The following KIF13B variants were observed in gnomAD, a reference collection of about 807,000 sequenced individuals.
KIF13B encodes the protein kinesin family member 13B.
KIF13B carries 127 observed loss-of-function variants against 222.0 expected under a neutral mutation model. The observed-to-expected ratio is 0.57, with a 90% confidence interval of 0.50 to 0.66. KIF13B has a LOEUF of 0.66. Among genes scored for constraint, KIF13B ranks in the 30% least tolerant of loss-of-function variants. The pLI, the probability that KIF13B is intolerant of heterozygous loss-of-function variation, is 0.00. For missense variants in KIF13B, 2,173 were observed against 2,379.0 expected (o/e 0.91, Z 1.80); for synonymous variants, 976 against 919.0 (o/e 1.06, Z -1.12).
At chr8:29,257,579 T>C (rs1255947233) in intron 1 of KIF13B, among the ~76,000 whole-genome samples, 2 of 152,208 alleles carry the variant, frequency 1.3e-5, no homozygotes, top group African/African-American at 4.8e-5. Context: ...TTTTATATTA[T>C]AAATGTATAT....
intron 37 of KIF13B, among the ~76,000 whole-genome samples, chr8:29,080,775 G>A (rs894519651): frequency 2.0e-5 from 3 of 152,040 alleles, no homozygotes; most frequent in Admixed American, 6.6e-5. Flanking sequence ...GGTGGCTGCC[G>A]ACCCCCGCCC....
intron 2 of KIF13B, among the ~76,000 whole-genome samples, chr8:29,221,896 G>T (rs759195271): frequency 6.6e-6 from 1 of 151,904 alleles, no homozygotes; most frequent in African/African-American, 2.4e-5. Context: ...ATTCACTATC[G>T]ATACTTTATA....
chr8:29,070,682 C>A lies in KIF13B; in HGVS notation c.5303G>T (p.Arg1768Leu), dbSNP rs770569664. The change falls in exon 40 of 40, where the codon CGC (arginine) becomes CTC (leucine). Residue 1768 changes from arginine to leucine, a missense_variant. Around this residue, in one of 2 missense-constraint regions of KIF13B, gnomAD observed 693 missense variants for 656.2 expected, o/e 1.06. Transcript: ENST00000524189. This position sits in a 1 kb window ranked among gnomAD's most constrained non-coding sequence, Gnocchi z 4.1. ...CCGCCGCACAGGGCCCGTGGCCCTG[C>A]GGACCCGGCTGGGCCTGACCAGCAG... ...YGLLVRPSRV[R>L]RATGPVRRRS... The A allele has an allele frequency of 6.4e-6, 10 of 1,560,424 alleles. No individual in the cohort carries two copies. The highest frequency in any genetic ancestry group is 1.7e-4 in the Middle Eastern group (1 of 6,014).
chr8:29,177,634 G>T, intron 8 of KIF13B, 56 bp from the exon 9 acceptor site: 2 of 1,143,008 alleles, frequency 1.7e-6, no homozygotes, highest in Non-Finnish European at 2.7e-6. Flanking sequence ...AGGTGTGGTG[G>T]CTCATGCCAG....
intron 3 of KIF13B, among the ~76,000 whole-genome samples, chr8:29,194,980 G>A (rs956662840): frequency 4.6e-5 from 7 of 152,102 alleles, no homozygotes; most frequent in African/African-American, 1.4e-4. Context: ...GGGCACGGTC[G>A]CTCACGCCTG....
chr8:29,134,316 T>C (rs1810469378), intron 21 of KIF13B, 106 bp from the exon 22 acceptor site: 1 of 1,054,262 alleles, frequency 9.5e-7, no homozygotes, highest in Non-Finnish European at 1.4e-6. Context: ...GTGCTTATGA[T>C]ATTTATGTTG....
chr8:29,085,653 G>A (rs1027003614), intron 37 of KIF13B, among the ~76,000 whole-genome samples: 19 of 147,816 alleles, frequency 1.3e-4, no homozygotes, highest in African/African-American at 4.8e-4. Flanking sequence ...ATAAAGGTGT[G>A]AGCCACAGCA....
intron 13 of KIF13B, among the ~76,000 whole-genome samples, chr8:29,157,305 A>G (rs895441262): frequency 2.0e-5 from 3 of 150,616 alleles, no homozygotes; most frequent in Non-Finnish European, 4.4e-5. Flanking sequence ...CTGTAATCCC[A>G]GCAATTTGGG....
rs1230594071 is a variant in KIF13B, at chr8:29,067,408, A to G, written c.*3096T>C. ...ATCATTAGAGTCTTTACAAGTCATTAGAGTCTTTGGATTTTTTAAACTCCC... is the reference window on the plus strand; with the variant it reads ...ATCATTAGAGTCTTTACAAGTCATTGGAGTCTTTGGATTTTTTAAACTCCC... On this transcript the variant is annotated 3_prime_UTR_variant, in exon 40 of 40. Transcript: ENST00000524189. The G allele has an allele frequency of 6.6e-6, 1 of 152,632 alleles. No individual in the cohort carries two copies. Among genetic ancestry groups the G allele is most frequent in the African/African-American group, 2.4e-5 (1 of 41,462 alleles). 9.5% of individuals were successfully genotyped at this position (152,632 alleles called of 1,614,324 possible).
intron 22 of KIF13B, 96 bp downstream of exon 22, chr8:29,133,944 A>G (rs949412582): frequency 4.9e-6 from 6 of 1,212,376 alleles, no homozygotes; most frequent in East Asian, 2.5e-5. Flanking sequence ...TCCAAGACAT[A>G]TAACGGCACA....
intron 37 of KIF13B, among the ~76,000 whole-genome samples, chr8:29,090,429 T>C (rs1038012207): frequency 6.6e-6 from 1 of 152,166 alleles, no homozygotes; most frequent in Admixed American, 6.5e-5. Context: ...TGATGGAATC[T>C]ACAGTCCCAG....
intron 26 of KIF13B, among the ~76,000 whole-genome samples, chr8:29,124,537 C>T (rs370522262): frequency 1.1e-4 from 17 of 151,416 alleles, no homozygotes; most frequent in Non-Finnish European, 1.9e-4. Context: ...CACTTGAGGA[C>T]GGGAGTTTGA....
chr8:29,255,617 C>G (rs1171702712), intron 1 of KIF13B, among the ~76,000 whole-genome samples: 1 of 152,038 alleles, frequency 6.6e-6, no homozygotes, highest in East Asian at 1.9e-4. Flanking sequence ...ACTCTGAACC[C>G]TCCCCTTCTA....
At chr8:29,193,178 G>A (rs1209114848) in intron 3 of KIF13B, among the ~76,000 whole-genome samples, 2 of 152,198 alleles carry the variant, frequency 1.3e-5, no homozygotes, top group Admixed American at 6.5e-5. Context: ...ACCCCCAGCG[G>A]CTGACAGCCC....
intron 16 of KIF13B, 72 bp downstream of exon 16, chr8:29,148,505 G>A (rs999379194): frequency 8.5e-7 from 1 of 1,170,028 alleles, no homozygotes; most frequent in Non-Finnish European, 1.2e-6. Flanking sequence ...GAACTCCTGG[G>A]CTCAAGCGAT....
intron 2 of KIF13B, among the ~76,000 whole-genome samples, chr8:29,213,957 A>C (rs1814357121): frequency 6.6e-6 from 1 of 152,202 alleles, no homozygotes; most frequent in Non-Finnish European, 1.5e-5. Flanking sequence ...CCATCTCAAA[A>C]AAATAAATAA....
rs762981988 is a variant in KIF13B, at chr8:29,134,217, G to A, written c.2614-7C>T. On this transcript the variant is annotated splice_region_variant and splice_polypyrimidine_tract_variant and intron_variant, in intron 21 of 39. Transcript: ENST00000524189. ...TAGCTTGCAGGATTTTAACCTGAAG[G>A]AAAAAGAAGGCTCTGTGTTTTGAAA... The A allele has an allele frequency of 6.2e-7, 1 of 1,610,994 alleles. No individual in the cohort carries two copies. Among genetic ancestry groups the A allele is most frequent in the South Asian group, 1.1e-5 (1 of 90,516 alleles).
chr8:29,108,030 G>T, intron 35 of KIF13B, 109 bp downstream of exon 35: 1 of 853,406 alleles, frequency 1.2e-6, no homozygotes, highest in Non-Finnish European at 1.9e-6. Context: ...ACATAATACA[G>T]ATGAGTAGAG....
chr8:29,099,625 G>C (rs1373365180), intron 35 of KIF13B, among the ~76,000 whole-genome samples: 1 of 151,986 alleles, frequency 6.6e-6, no homozygotes, highest in Non-Finnish European at 1.5e-5. Flanking sequence ...TCCTTCCTTG[G>C]TCTCCCAAAG....
Sources: gnomAD v4.1 joint callset for allele counts (sites outside exome capture counted in the v4.1 genomes callset) on GRCh38, gnomAD v4.1.1 for gene constraint, gnomAD v4.1.1 regional missense constraint, Gnocchi (gnomAD v3.1) non-coding constraint, MANE v1.5 for transcripts, NCBI Gene and HGNC (gene_info 2026-07-23, HGNC 2026-07-21) for gene names.